SH3GL3: variants seen among roughly 807,000 people sequenced by gnomAD.
The protein encoded by SH3GL3 is endophilin-A3.
In SH3GL3, 33 loss-of-function variants were observed where a neutral mutation model predicts 47.7. The ratio of observed to expected loss-of-function variants is 0.69; its 90% CI spans 0.52 to 0.92. The LOEUF (loss-of-function observed/expected upper bound fraction) is 0.92, where lower values mean the gene tolerates loss of function less well. SH3GL3 is among the 40% of genes least tolerant of loss of function. SH3GL3 has a pLI of 0.00. For missense variants in SH3GL3, 363 were observed against 417.8 expected (o/e 0.87, Z 1.14); for synonymous variants, 155 against 148.8 (o/e 1.04, Z -0.30).
Position 83,517,205 on chromosome 15 carries a change from CTT to C in SH3GL3, c.46-42032_46-42031del, listed in dbSNP as rs36096315. ...CTTTCTTTTCTTTTTCTTTTCTTTT[CTT>C]TTTTTTTTTTTTTTTGAGATGGAGT... On this transcript the variant is annotated intron_variant, in intron 1 of 8. Coordinates refer to ENST00000427482, the MANE Select transcript of SH3GL3 (RefSeq NM_003027.5). Among the ~76,000 whole-genome samples the C allele has an allele frequency of 3.6e-3, 400 of 109,650 alleles. 1 individual carries two copies. The highest frequency in any genetic ancestry group is 0.01 in the African/African-American group (297 of 29,678). The allele number at this position is 109,650 out of a possible 152,430, so 71.9% of individuals were successfully genotyped here. A position where few individuals can be genotyped will look rare whatever the true frequency, so the allele number is the denominator to read the frequency against.
chr15:83,464,750 T>G (rs1233847223), intron 1 of SH3GL3, among the ~76,000 whole-genome samples: 1 of 152,184 alleles, frequency 6.6e-6, no homozygotes, highest in Admixed American at 6.5e-5. Flanking sequence ...CCATCTCTGC[T>G]ACTATCACCT....
At chr15:83,456,411 G>A (rs1200788265) in intron 1 of SH3GL3, among the ~76,000 whole-genome samples, 11 of 56,260 alleles carry the variant, frequency 2.0e-4, no homozygotes, top group African/African-American at 5.2e-4. Flanking sequence ...CCCCAGCCTC[G>A]TTGCCACCTT....
chr15:83,485,990 C>T (rs959723388), intron 1 of SH3GL3, among the ~76,000 whole-genome samples: 4 of 152,184 alleles, frequency 2.6e-5, no homozygotes, highest in Non-Finnish European at 4.4e-5. Context: ...TAACAGACCA[C>T]GTAACATTTC....
At chr15:83,483,039 G>A (rs751297455) in intron 1 of SH3GL3, among the ~76,000 whole-genome samples, 1 of 152,104 alleles carries the variant, frequency 6.6e-6, no homozygotes, top group South Asian at 2.1e-4. Context: ...CTGTGAGTTT[G>A]TTTCTTATGG....
At chr15:83,493,957 A>G (rs2041981676) in intron 1 of SH3GL3, among the ~76,000 whole-genome samples, 1 of 152,250 alleles carries the variant, frequency 6.6e-6, no homozygotes, top group Non-Finnish European at 1.5e-5. Flanking sequence ...CATGGCTGTA[A>G]GTGGAAGAAT....
At chr15:83,589,177 A>G (rs1216072282) in intron 8 of SH3GL3, among the ~76,000 whole-genome samples, 2 of 152,210 alleles carry the variant, frequency 1.3e-5, no homozygotes, top group African/African-American at 4.8e-5. Context: ...ATAATCAAAC[A>G]GAAAAAAATT....
intron 1 of SH3GL3, among the ~76,000 whole-genome samples, chr15:83,534,793 G>T (rs2043834198): frequency 6.6e-6 from 1 of 152,090 alleles, no homozygotes; most frequent in African/African-American, 2.4e-5. Context: ...ACCATACTTA[G>T]CTTGATGCAT....
At chr15:83,624,736 A>G in the SH3GL3 span, among the ~76,000 whole-genome samples, 4 of 152,250 alleles carry the variant, frequency 2.6e-5, no homozygotes, top group East Asian at 7.7e-4. Context: ...GGACTTTGAG[A>G]CCAGGCTGGG....
intron 2 of SH3GL3, among the ~76,000 whole-genome samples, chr15:83,564,244 A>G (rs1432267349): frequency 1.3e-5 from 2 of 152,190 alleles, no homozygotes; most frequent in African/African-American, 2.4e-5. Flanking sequence ...TTTAACAAAA[A>G]AAAGAAAAAA....
intron 1 of SH3GL3, among the ~76,000 whole-genome samples, chr15:83,535,224 A>C (rs2151686290): frequency 6.6e-6 from 1 of 152,098 alleles, no homozygotes; most frequent in African/African-American, 2.4e-5. Flanking sequence ...CAGTCTTTAG[A>C]CCTATATTTA....
intron 1 of SH3GL3, among the ~76,000 whole-genome samples, chr15:83,502,662 G>A (rs1162653289): frequency 6.6e-6 from 1 of 152,118 alleles, no homozygotes; most frequent in Non-Finnish European, 1.5e-5. Context: ...GGGCTCAAGG[G>A]ATCCTCCTCC....
intron 1 of SH3GL3, among the ~76,000 whole-genome samples, chr15:83,534,030 G>A (rs2043798762): frequency 1.3e-5 from 2 of 152,144 alleles, no homozygotes; most frequent in Non-Finnish European, 2.9e-5. Context: ...TGTTTGGGGT[G>A]CTGTGTTTCA....
intron 6 of SH3GL3, 31 bp downstream of exon 6, chr15:83,576,772 A>T: frequency 1.4e-6 from 2 of 1,402,044 alleles, no homozygotes; most frequent in Non-Finnish European, 2.0e-6. Flanking sequence ...GGAGATTTTA[A>T]TGTAAATGAA....
chr15:83,587,524 G>GA (rs1567015700), intron 7 of SH3GL3, among the ~76,000 whole-genome samples: 6 of 57,864 alleles, frequency 1.0e-4, no homozygotes, highest in South Asian at 5.8e-4. Flanking sequence ...GTAAATATCT[G>GA]TAAAAAAAAA....
rs533852273 is a variant in SH3GL3, at chr15:83,467,920, C to T, written c.45+20342C>T. Among the ~76,000 whole-genome samples the T allele has an allele frequency of 4.3e-3, 657 of 152,240 alleles. 2 individuals are homozygous for T. Among genetic ancestry groups the T allele is most frequent in the African/African-American group, 0.014 (602 of 41,556 alleles). On this transcript the variant is annotated intron_variant, in intron 1 of 8. Coordinates refer to ENST00000427482, the MANE Select transcript of SH3GL3 (RefSeq NM_003027.5). ...TTGGCTCACTGCAAGCTCTGCCTCC[C>T]GGGTTGACGCCATTCTCCTGCCTCA...
At chr15:83,506,949 C>CT (rs2042533816) in intron 1 of SH3GL3, among the ~76,000 whole-genome samples, 1 of 148,564 alleles carries the variant, frequency 6.7e-6, no homozygotes, top group Non-Finnish European at 1.5e-5. Flanking sequence ...TTCTCTTTTG[C>CT]TAAAAAAAAA....
chr15:83,565,220 A>G lies in SH3GL3; in HGVS notation c.187+14A>G, dbSNP rs2045477691. On this transcript the variant is annotated intron_variant, in intron 3 of 8. Transcript: ENST00000427482. ...AGCCAAATCCAGGTAAAGTTGAAAT[A>G]TTCTCTTGTTCATTTGCTGTCACAG... 1 of 1,459,886 alleles carries G rather than the reference A, an allele frequency of 6.8e-7. No homozygotes were observed. The highest frequency in any genetic ancestry group is 9.6e-7 in the Non-Finnish European group (1 of 1,041,658). The allele number at this position is 1,459,886 out of a possible 1,614,324, so 90.4% of individuals were successfully genotyped here.
At chr15:83,461,927 A>G (rs1362450177) in intron 1 of SH3GL3, among the ~76,000 whole-genome samples, 1 of 152,234 alleles carries the variant, frequency 6.6e-6, no homozygotes, top group Non-Finnish European at 1.5e-5. Flanking sequence ...AATTGGGATG[A>G]CAGTGATATA....
rs55856428 is a variant in SH3GL3 at position 83,562,030 on chromosome 15, A to AACACACACACACAC, written c.114+2748_114+2761dup. ...TTGACTTGAACAGACACACACACAC[A>AACACACACACACAC]ACACACACACACACACACACACACA... On this transcript the variant is annotated intron_variant, in intron 2 of 8. Coordinates refer to ENST00000427482, the MANE Select transcript of SH3GL3 (RefSeq NM_003027.5). Among the ~76,000 whole-genome samples the AACACACACACACAC allele has an allele frequency of 3.8e-3, 504 of 133,044 alleles. 12 individuals carry two copies. Among genetic ancestry groups the AACACACACACACAC allele is most frequent in the Middle Eastern group, 0.011 (3 of 270 alleles). 87.3% of individuals were successfully genotyped at this position (133,044 alleles called of 152,430 possible). A position where few individuals can be genotyped will look rare whatever the true frequency, so the allele number is the denominator to read the frequency against.
Sources: gnomAD v4.1 joint callset for allele counts (sites outside exome capture counted in the v4.1 genomes callset) on GRCh38, gnomAD v4.1.1 for gene constraint, MANE v1.5 for transcripts, NCBI Gene and HGNC (gene_info 2026-07-23, HGNC 2026-07-21) for gene names.